Variants in TRAPPC9 observed in about 807,000 individuals in gnomAD.
TRAPPC9 encodes IKK2 binding protein.
TRAPPC9 carries 83 observed loss-of-function variants against 124.0 expected under a neutral mutation model. The ratio of observed to expected loss-of-function variants is 0.67; its 90% confidence interval spans 0.56 to 0.80. TRAPPC9 has a LOEUF of 0.80. Among genes scored for constraint, TRAPPC9 ranks in the 30% least tolerant of loss-of-function variants. TRAPPC9 has a pLI of 0.00. For synonymous variants in TRAPPC9, 638 were observed against 617.5 expected, an observed-to-expected ratio of 1.03 and a Z score of -0.49; for missense variants, 1,302 against 1,508.3, an observed-to-expected ratio of 0.86 and a Z score of 2.27.
chr8:140,444,922 C>T (rs1371307481), intron 2 of TRAPPC9, among the ~76,000 whole-genome samples: 1 of 151,472 alleles, frequency 6.6e-6, no homozygotes, highest in Non-Finnish European at 1.5e-5. Flanking sequence ...TCACAGCAAG[C>T]ACCCAGGGGT....
chr8:140,395,271 G>C (rs1346019573), intron 7 of TRAPPC9, among the ~76,000 whole-genome samples: 4 of 152,130 alleles, frequency 2.6e-5, no homozygotes, highest in Non-Finnish European at 5.9e-5. Flanking sequence ...CTCTGTTCTG[G>C]TCGCTCCCTT....
chr8:140,083,952 C>T (rs773346243), intron 17 of TRAPPC9, among the ~76,000 whole-genome samples: 22 of 152,202 alleles, frequency 1.4e-4, no homozygotes, highest in Middle Eastern at 3.4e-3. Flanking sequence ...GGCATGAGCG[C>T]CGCACCTGGC....
chr8:140,198,987 C>T (rs766945881), intron 17 of TRAPPC9, among the ~76,000 whole-genome samples: 7 of 152,194 alleles, frequency 4.6e-5, no homozygotes, highest in African/African-American at 1.2e-4. Context: ...GCAGGCTGAA[C>T]GCGGCAACAC....
At chr8:139,814,152 A>G (rs890602963) in intron 21 of TRAPPC9, among the ~76,000 whole-genome samples, 4 of 152,158 alleles carry the variant, frequency 2.6e-5, no homozygotes, top group Non-Finnish European at 5.9e-5. Context: ...TGTTCAGTCC[A>G]CCCAGCAGCC....
chr8:139,795,599 C>T (rs948700762), intron 21 of TRAPPC9, among the ~76,000 whole-genome samples: 14 of 152,084 alleles, frequency 9.2e-5, no homozygotes, highest in African/African-American at 1.7e-4. Context: ...CATCAGTAAG[C>T]GGACACTTTG....
intron 19 of TRAPPC9, among the ~76,000 whole-genome samples, chr8:139,976,964 G>A (rs147032585): frequency 5.2e-4 from 79 of 152,254 alleles, no homozygotes; most frequent in African/African-American, 1.3e-3. Context: ...CTGCAGGGCC[G>A]CGGAATCAGG....
intron 21 of TRAPPC9, among the ~76,000 whole-genome samples, chr8:139,880,867 C>T (rs1424365462): frequency 6.6e-6 from 1 of 152,214 alleles, no homozygotes; most frequent in East Asian, 1.9e-4. Context: ...TAGGCCCTGG[C>T]CTTGGCAGGT....
At chr8:139,874,108 G>A (rs569005441) in intron 21 of TRAPPC9, among the ~76,000 whole-genome samples, 31 of 152,376 alleles carry the variant, frequency 2.0e-4, no homozygotes, top group Middle Eastern at 3.4e-3. Context: ...ATGGATCCTT[G>A]GGAACTGACC....
chr8:140,141,998 TAG>T (rs2061388549), intron 17 of TRAPPC9, among the ~76,000 whole-genome samples: 1 of 152,222 alleles, frequency 6.6e-6, no homozygotes, highest in South Asian at 2.1e-4. Context: ...ACAGGGCTGA[TAG>T]ACTCTTCCAA....
At chr8:140,278,325 C>T (rs540003263) in intron 14 of TRAPPC9, among the ~76,000 whole-genome samples, 35 of 152,268 alleles carry the variant, frequency 2.3e-4, no homozygotes, top group Admixed American at 1.1e-3. Flanking sequence ...AGGCCGGTCT[C>T]GAACTCCTGA....
At chr8:139,833,620 G>A (rs1213925300) in intron 21 of TRAPPC9, among the ~76,000 whole-genome samples, 2 of 152,252 alleles carry the variant, frequency 1.3e-5, no homozygotes, top group Non-Finnish European at 2.9e-5. Context: ...TGGTTCACAG[G>A]CAGGGCACTG....
intron 5 of TRAPPC9, among the ~76,000 whole-genome samples, chr8:140,411,240 C>T (rs568979224): frequency 6.6e-6 from 1 of 152,322 alleles, no homozygotes; most frequent in African/African-American, 2.4e-5. Flanking sequence ...GTGACCAGAC[C>T]TTGGTTTCTA....
intron 12 of TRAPPC9, among the ~76,000 whole-genome samples, chr8:140,289,223 G>C (rs1333095184): frequency 1.3e-5 from 2 of 150,460 alleles, no homozygotes; most frequent in African/African-American, 2.4e-5. Context: ...GTGTTCTCAT[G>C]TATGTGTATA....
chr8:140,312,142 G>A (rs1327577054), intron 9 of TRAPPC9, among the ~76,000 whole-genome samples: 5 of 152,220 alleles, frequency 3.3e-5, no homozygotes, highest in African/African-American at 1.2e-4. Context: ...TTGGCCTAAG[G>A]CCTGTGGTTT....
intron 21 of TRAPPC9, among the ~76,000 whole-genome samples, chr8:139,783,377 A>C (rs971524402): frequency 1.3e-5 from 2 of 152,344 alleles, no homozygotes; most frequent in East Asian, 3.9e-4. Flanking sequence ...AATATTGAAA[A>C]GAAAATAAGG....
At chr8:140,032,933 G>A (rs6998475) in intron 17 of TRAPPC9, among the ~76,000 whole-genome samples, 143,417 of 152,324 alleles carry the variant, frequency 0.94, 67,773 homozygotes, top group Middle Eastern at 1. Context: ...AGTCTGACAG[G>A]TGAAGAATCT....
At chr8:140,402,146 T>C (rs1011405949) in intron 6 of TRAPPC9, among the ~76,000 whole-genome samples, 5 of 151,986 alleles carry the variant, frequency 3.3e-5, no homozygotes, top group African/African-American at 9.7e-5. Flanking sequence ...GTGGGAGGAT[T>C]GCTTCAGGCC....
At chr8:140,118,713 C>T (rs1228390009) in intron 17 of TRAPPC9, among the ~76,000 whole-genome samples, 1 of 152,144 alleles carries the variant, frequency 6.6e-6, no homozygotes, top group African/African-American at 2.4e-5. Flanking sequence ...GGGGCTGAGA[C>T]AGCTATGGGT....
chr8:139,971,059 C>T (rs1229718323), intron 19 of TRAPPC9, among the ~76,000 whole-genome samples: 1 of 152,082 alleles, frequency 6.6e-6, no homozygotes, highest in Non-Finnish European at 1.5e-5. Flanking sequence ...CCGGAATCCA[C>T]CTCTTTTCTC....
Sources: gnomAD v4.1 joint callset for allele counts (sites outside exome capture counted in the v4.1 genomes callset) on GRCh38, gnomAD v4.1.1 for gene constraint, MANE v1.5 for transcripts, NCBI Gene and HGNC (gene_info 2026-07-23, HGNC 2026-07-21) for gene names.